Variants in USP26 observed in about 807,000 individuals in gnomAD.
The protein encoded by USP26 is ubiquitin carboxyl-terminal hydrolase 26.
For missense variants in USP26, 649 were observed against 642.3 expected (o/e 1.01, Z -0.11); for synonymous variants, 236 against 240.6 (o/e 0.98, Z 0.18).
intron 5 of USP26, among the ~76,000 whole-genome samples, chrX:133,051,510 A>G (rs1192536731): frequency 8.9e-6 from 1 of 112,224 alleles, no homozygotes; most frequent in African/African-American, 3.2e-5. Flanking sequence ...TTGCAGTTGA[A>G]AGCCCAGGAC....
At chrX:133,041,351 GC>G (rs1459981841) in intron 5 of USP26, among the ~76,000 whole-genome samples, 1 of 111,604 alleles carries the variant, frequency 9.0e-6, no homozygotes, top group Non-Finnish European at 1.9e-5. Flanking sequence ...GATCTTTGAG[GC>G]TGATGACCTT....
chrX:133,083,798 G>GA (rs746493819), intron 4 of USP26, 27 bp from the exon 5 acceptor site: 1 of 111,512 alleles, frequency 9.0e-6, no homozygotes, highest in African/African-American at 3.3e-5. Context: ...AAAATTAGGG[G>GA]AAAAAAGAAG....
At chrX:133,064,931 A>G (rs759720843) in intron 5 of USP26, among the ~76,000 whole-genome samples, 1 of 111,633 alleles carries the variant, frequency 9.0e-6, no homozygotes, top group South Asian at 3.8e-4. Flanking sequence ...AAATCAGTGA[A>G]TCCAGGAGCT....
In USP26 at chrX:133,028,189, T is replaced by G. The variant is rs1261469896; in HGVS notation, c.32A>C (p.Gln11Pro). 8.3e-7 allele frequency: 1 copy of G among 1,209,369 alleles called. No individual in the cohort carries two copies. The highest frequency in any genetic ancestry group is 2.2e-5 in the Admixed American group (1 of 45,982). Residue 11 changes from glutamine to proline, a missense_variant, in exon 6 of 6, where the codon CAA becomes CCA. Gln to Pro is a moderately conservative substitution (Grantham distance 76, BLOSUM62 -1). Transcript: ENST00000511190. MAALFLRGFV[Q>P]IGNCKTGISK... ...TATCCCAGTCTTGCAGTTCCCTATT[T>G]GGACAAAACCACGTAGGAATAGGGC...
Position 133,040,340 on chromosome X carries a change from T to C in USP26, c.-76-12044A>G, listed in dbSNP as rs780076472. Among the ~76,000 whole-genome samples the C allele has an allele frequency of 7.2e-5, 8 of 111,814 alleles. No homozygotes were observed. The South Asian group carries it at 3.0e-3, about 43-fold the overall frequency. ...TGCAGTGGCTGGTACCGGTTTTTCC[T>C]TCCATATTTAGTGCTTCCTTCAGGA... is the stretch of plus-strand genomic sequence containing the variant. On this transcript the variant is annotated intron_variant, in intron 5 of 5. Transcript: ENST00000511190.
chrX:133,027,480 A>T lies in USP26; in HGVS notation c.741T>A (p.Pro247=), dbSNP rs747365087. ...GGAGAAGACCAATGTCATCTAGGTA[A>T]GGATTTCCAGTGGCGTTCATGATGC... ...SSCIMNATGN[P]YLDDIGLLQA... The change falls in exon 6 of 6, where the codon CCT becomes CCA. Residue 247 remains proline, a synonymous_variant. Coordinates refer to ENST00000511190, the MANE Select transcript of USP26 (RefSeq NM_031907.3). The T allele has an allele frequency of 1.7e-6, 2 of 1,211,279 alleles. No individual in the cohort carries two copies. The highest frequency in any genetic ancestry group is 4.3e-5 in the Admixed American group (2 of 46,025).
chrX:133,038,788 G>T (rs748405800), intron 5 of USP26, among the ~76,000 whole-genome samples: 1 of 111,910 alleles, frequency 8.9e-6, no homozygotes, highest in South Asian at 3.8e-4. Context: ...AATCCATGTG[G>T]TCCTGGGCTG....
intron 5 of USP26, among the ~76,000 whole-genome samples, chrX:133,071,161 G>A (rs1247936293): frequency 9.0e-6 from 1 of 111,004 alleles, no homozygotes. Flanking sequence ...ATGTTGCAGT[G>A]AGCTGAGATT....
chrX:133,056,759 G>A (rs1285729746), intron 5 of USP26, among the ~76,000 whole-genome samples: 1 of 111,382 alleles, frequency 9.0e-6, no homozygotes, highest in Non-Finnish European at 1.9e-5. Flanking sequence ...TCCTCTTAAG[G>A]GAAAATAAAA....
chrX:133,082,887 C>A, intron 5 of USP26, among the ~76,000 whole-genome samples: 1 of 111,465 alleles, frequency 9.0e-6, no homozygotes, highest in Non-Finnish European at 1.9e-5. Context: ...ATGAGAGAAC[C>A]CCTCATTTTA....
intron 5 of USP26, among the ~76,000 whole-genome samples, chrX:133,042,582 A>G (rs1269675818): frequency 9.0e-6 from 1 of 110,585 alleles, no homozygotes; most frequent in African/African-American, 3.3e-5. Flanking sequence ...AAATGCAGAA[A>G]TCACCTGCCT....
At chrX:133,039,891 T>C (rs190779590) in intron 5 of USP26, among the ~76,000 whole-genome samples, 10 of 112,001 alleles carry the variant, frequency 8.9e-5, no homozygotes, top group African/African-American at 2.9e-4. Flanking sequence ...CGGGTGCATA[T>C]ACATTTAGGA....
chrX:133,049,749 T>C (rs188461890), intron 5 of USP26, among the ~76,000 whole-genome samples: 1 of 112,248 alleles, frequency 8.9e-6, no homozygotes. Context: ...TAAGGTTTTA[T>C]TCCTTATACA....
In USP26 at chrX:133,025,475, C is replaced by A; in HGVS notation, c.*4G>T. ...AGATCTGTACAAGGAGGAGTACGTT[C>A]CTCTTATTCCTTCTGAAGGGTCTCC... On this transcript the variant is annotated 3_prime_UTR_variant, in exon 6 of 6. Transcript: ENST00000511190. 8.3e-7 allele frequency: 1 copy of A among 1,210,585 alleles called. No homozygotes were observed. The highest frequency in any genetic ancestry group is 1.1e-6 in the Non-Finnish European group (1 of 895,126).
chrX:133,029,607 G>C (rs953003107), intron 5 of USP26, among the ~76,000 whole-genome samples: 2 of 112,048 alleles, frequency 1.8e-5, no homozygotes, highest in African/African-American at 6.5e-5. Context: ...CACAGAAAAG[G>C]CAGTCTTAAT....
At chrX:133,091,855 T>C (rs1393786344) in intron 1 of USP26, among the ~76,000 whole-genome samples, 1 of 111,846 alleles carries the variant, frequency 8.9e-6, no homozygotes, top group African/African-American at 3.3e-5. Context: ...TCCAATTCCA[T>C]CTTTTTCACA....
intron 5 of USP26, among the ~76,000 whole-genome samples, chrX:133,054,892 T>C (rs980775603): frequency 7.1e-5 from 8 of 112,193 alleles, no homozygotes; most frequent in African/African-American, 2.6e-4. Context: ...GACAGTAAAA[T>C]TACATGTACT....
chrX:133,050,009 T>G (rs934019489), intron 5 of USP26, among the ~76,000 whole-genome samples: 2 of 112,611 alleles, frequency 1.8e-5, no homozygotes, highest in African/African-American at 3.2e-5. Context: ...CCCACTTAAA[T>G]AAATGACCAA....
Position 133,060,891 on chromosome X carries a change from C to T in USP26, c.-77+22816G>A, listed in dbSNP as rs192293824. ...TCCCAAAAAGTTTCAAAAAGCAAAACTTTGAATCTTCAGGAATGAATTGAT... is the reference window on the plus strand; with the variant it reads ...TCCCAAAAAGTTTCAAAAAGCAAAATTTTGAATCTTCAGGAATGAATTGAT... On this transcript the variant is annotated intron_variant, in intron 5 of 5. Transcript: ENST00000511190. Among the ~76,000 whole-genome samples, 620 of 111,604 alleles carry T rather than the reference C, an allele frequency of 5.6e-3. 5 individuals are homozygous for T. The highest frequency in any genetic ancestry group is 0.01 in the Non-Finnish European group (540 of 53,072).
Sources: allele counts gnomAD v4.1 joint callset (sites outside exome capture counted in the v4.1 genomes callset), GRCh38; gene constraint gnomAD v4.1.1; transcripts MANE v1.5; gene names NCBI Gene and HGNC (gene_info 2026-07-23, HGNC 2026-07-21).